Variants in WWOX observed in about 807,000 individuals in gnomAD.
WWOX encodes WW domain containing oxidoreductase.
In WWOX, 69 loss-of-function variants were observed where a neutral mutation model predicts 46.2. The observed-to-expected ratio is 1.49, with a 90% CI of 1.23 to 1.82. The LOEUF is 1.82. Among genes scored for constraint, WWOX ranks in the 40% most tolerant of loss-of-function variants. The pLI, the probability that WWOX is intolerant of heterozygous loss-of-function variation, is 0.00. For missense variants in WWOX, 919 were observed against 542.6 expected (o/e 1.69, Z -6.89); for synonymous variants, 359 against 202.6 (o/e 1.77, Z -6.56).
At chr16:78,936,533 A>T (rs1440716229) in intron 8 of WWOX, among the ~76,000 whole-genome samples, 1 of 152,086 alleles carries the variant, frequency 6.6e-6, no homozygotes, top group African/African-American at 2.4e-5. Context: ...GCCAGTGGTA[A>T]AGTTAAGCTG....
At chr16:78,392,974 G>A (rs539660628) in intron 6 of WWOX, among the ~76,000 whole-genome samples, 20 of 152,088 alleles carry the variant, frequency 1.3e-4, no homozygotes, top group Non-Finnish European at 2.4e-4. Context: ...CGGTAGCAGC[G>A]GTCGTCGGCC....
chr16:78,503,363 G>A (rs923267129), intron 8 of WWOX, among the ~76,000 whole-genome samples: 2 of 151,738 alleles, frequency 1.3e-5, no homozygotes, highest in Non-Finnish European at 2.9e-5. Flanking sequence ...TGTAAATTTA[G>A]TTCAGATAAT....
At chr16:78,694,064 T>A (rs2142273894) in intron 8 of WWOX, among the ~76,000 whole-genome samples, 1 of 152,152 alleles carries the variant, frequency 6.6e-6, no homozygotes, top group South Asian at 2.1e-4. Context: ...AAACCCTGTT[T>A]CTACTAAAAA....
chr16:78,959,605 T>A lies in WWOX; in HGVS notation c.1057-252003T>A, dbSNP rs147653585. Among the ~76,000 whole-genome samples the A allele has an allele frequency of 1.3e-4, 20 of 152,254 alleles. No individual in the cohort carries two copies. In the East Asian group the frequency reaches 3.9e-3, roughly 29 times the overall value. On this transcript the variant is annotated intron_variant, in intron 8 of 8. Transcript: ENST00000566780. ...GGTTGTGAGAACCCGTAGTATTGAC[T>A]CTCAGTGTGATAGGAAGGCCAGTGT...
At chr16:79,001,441 T>C (rs955827589) in intron 8 of WWOX, among the ~76,000 whole-genome samples, 8 of 152,194 alleles carry the variant, frequency 5.3e-5, no homozygotes, top group Admixed American at 5.2e-4. Flanking sequence ...AGCCAGATAT[T>C]GGTGCCAAGC....
intron 8 of WWOX, chr16:78,691,292 G>T (rs560241434): frequency 8.5e-6 from 6 of 702,064 alleles, no homozygotes; most frequent in Non-Finnish European, 1.6e-5. Context: ...CAGTGACTTT[G>T]GTGAGTTCTT....
chr16:78,831,667 C>T (rs1445224889), intron 8 of WWOX, among the ~76,000 whole-genome samples: 1 of 152,166 alleles, frequency 6.6e-6, no homozygotes. Flanking sequence ...GATCATAATA[C>T]TATTTCCATT....
chr16:78,649,919 T>C (rs2046928833), intron 8 of WWOX, among the ~76,000 whole-genome samples: 1 of 152,226 alleles, frequency 6.6e-6, no homozygotes, highest in Non-Finnish European at 1.5e-5. Flanking sequence ...TGTCTGTGTT[T>C]GGATCAACAG....
At chr16:78,849,255 C>A (rs571644469) in intron 8 of WWOX, among the ~76,000 whole-genome samples, 2 of 152,090 alleles carry the variant, frequency 1.3e-5, no homozygotes, top group East Asian at 3.9e-4. Flanking sequence ...CTAGAAATTG[C>A]GAAGTCACGA....
chr16:78,785,546 T>A (rs1420191825), intron 8 of WWOX, among the ~76,000 whole-genome samples: 1 of 152,110 alleles, frequency 6.6e-6, no homozygotes, highest in Non-Finnish European at 1.5e-5. Flanking sequence ...GGGTAGCATA[T>A]AATTTACAAA....
intron 8 of WWOX, among the ~76,000 whole-genome samples, chr16:78,967,608 C>T (rs147978596): frequency 2.0e-5 from 3 of 151,768 alleles, no homozygotes; most frequent in African/African-American, 4.8e-5. Context: ...CCCAATACCC[C>T]CTATGTAGAC....
At chr16:78,650,470 C>T (rs537072991) in intron 8 of WWOX, among the ~76,000 whole-genome samples, 1 of 152,156 alleles carries the variant, frequency 6.6e-6, no homozygotes, top group Non-Finnish European at 1.5e-5. Context: ...ATGACATCAG[C>T]CTGCCCATGC....
intron 8 of WWOX, among the ~76,000 whole-genome samples, chr16:78,639,004 G>A (rs1268062045): frequency 6.6e-6 from 1 of 152,106 alleles, no homozygotes; most frequent in Non-Finnish European, 1.5e-5. Context: ...CTGGGTATCA[G>A]GGCTGCTTTC....
At chr16:78,685,665 G>A (rs945578414) in intron 8 of WWOX, among the ~76,000 whole-genome samples, 1 of 152,234 alleles carries the variant, frequency 6.6e-6, no homozygotes, top group Non-Finnish European at 1.5e-5. Flanking sequence ...AGGCAGAGAA[G>A]CTTCTGCTAT....
At chr16:78,404,269 T>G (rs949237464) in intron 6 of WWOX, among the ~76,000 whole-genome samples, 1 of 152,136 alleles carries the variant, frequency 6.6e-6, no homozygotes, top group African/African-American at 2.4e-5. Flanking sequence ...ATTTCACCAG[T>G]GGTATCTTAT....
chr16:78,908,216 G>T (rs191106232), intron 8 of WWOX, among the ~76,000 whole-genome samples: 19 of 152,082 alleles, frequency 1.2e-4, no homozygotes, highest in Admixed American at 1.2e-3. Flanking sequence ...AAGCAAAGCC[G>T]ATTTATCAAG....
At chr16:78,792,311 A>C (rs895312092) in intron 8 of WWOX, among the ~76,000 whole-genome samples, 3 of 152,138 alleles carry the variant, frequency 2.0e-5, no homozygotes, top group East Asian at 1.9e-4. Flanking sequence ...ACCCAGCCCC[A>C]CCTTGGATCT....
Position 78,986,088 on chromosome 16 carries a change from A to G in WWOX, c.1057-225520A>G, listed in dbSNP as rs189114402. On this transcript the variant is annotated intron_variant, in intron 8 of 8. Coordinates refer to ENST00000566780, the MANE Select transcript of WWOX (RefSeq NM_016373.4). ...TGGCATGGGAGCGTGTGGGAATGTC[A>G]AGATGAACCGGGGCTCCGGGAGACA... Among the ~76,000 whole-genome samples, 633 of 152,346 alleles carry G rather than the reference A, an allele frequency of 4.2e-3. 4 individuals carry two copies. The highest frequency in any genetic ancestry group is 5.0e-3 in the Non-Finnish European group (340 of 68,028).
At chr16:78,862,450 TATTC>T (rs1403850618) in intron 8 of WWOX, among the ~76,000 whole-genome samples, 1 of 151,848 alleles carries the variant, frequency 6.6e-6, no homozygotes, top group Non-Finnish European at 1.5e-5. Flanking sequence ...ATATATATAG[TATTC>T]AATATAGATC....
Sources: gnomAD v4.1 joint callset for allele counts (sites outside exome capture counted in the v4.1 genomes callset) on GRCh38, gnomAD v4.1.1 for gene constraint, MANE v1.5 for transcripts, NCBI Gene and HGNC (gene_info 2026-07-23, HGNC 2026-07-21) for gene names.